The following STAP2 variants were observed in gnomAD, a reference collection of about 807,000 sequenced individuals.
STAP2 encodes the protein signal-transducing adaptor protein 2.
STAP2 carries 58 observed loss-of-function variants against 52.7 expected under a neutral mutation model. The observed-to-expected ratio is 1.10, with a 90% confidence interval of 0.89 to 1.37. STAP2 has a LOEUF of 1.37. Among genes scored for constraint, STAP2 ranks in the 40% most tolerant of loss-of-function variants. STAP2 has a pLI of 0.00. For missense variants in STAP2, 522 were observed against 519.4 expected (o/e 1.00, Z -0.05); for synonymous variants, 231 against 210.5 (o/e 1.10, Z -0.84).
At chr19:4,327,503 G>C in intron 6 of STAP2, 118 bp from the exon 7 acceptor site, 1 of 1,110,198 alleles carries the variant, frequency 9.0e-7, no homozygotes, top group Non-Finnish European at 1.3e-6. Flanking sequence ...TACTGGCTCC[G>C]CCCCCACAGA....
At chr19:4,324,429 C>T in intron 12 of STAP2, 26 bp downstream of exon 12, 1 of 1,539,942 alleles carries the variant, frequency 6.5e-7, no homozygotes, top group Non-Finnish European at 8.8e-7. Flanking sequence ...GAAGCCCGCC[C>T]CGCACTGACC....
At chr19:4,336,374 G>A (rs11669680) in intron 1 of STAP2, among the ~76,000 whole-genome samples, 55,214 of 135,212 alleles carry the variant, frequency 0.41, 11,272 homozygotes, top group East Asian at 0.61. Flanking sequence ...GCTGAAATGC[G>A]GTGGCACCAT....
chr19:4,328,634 AC>A, intron 6 of STAP2, 40 bp downstream of exon 6: 1 of 805,648 alleles, frequency 1.2e-6, no homozygotes, highest in East Asian at 4.3e-5. Context: ...CCCTCTTCCC[AC>A]CCTCCTCCCA....
chr19:4,331,139 G>A (rs1004454810), intron 4 of STAP2, among the ~76,000 whole-genome samples: 3 of 152,026 alleles, frequency 2.0e-5, no homozygotes, highest in Admixed American at 1.3e-4. Context: ...AGACCAGCCC[G>A]GGCAACATAG....
rs1214605884 is a variant in STAP2 at position 4,324,203 on chromosome 19, G to T, written c.1148-6C>A. On this transcript the variant is annotated splice_region_variant and splice_polypyrimidine_tract_variant and intron_variant, in intron 12 of 12. Transcript: ENST00000594605. Reference sequence around the variant, plus strand: ...TGCCGTCATGTCTGCCAGCCCTGGGGGTTCAGGACCAGGAGCTGCAGCTGG... The same window carrying T: ...TGCCGTCATGTCTGCCAGCCCTGGGTGTTCAGGACCAGGAGCTGCAGCTGG... 6 of 1,550,742 alleles carry T rather than the reference G, an allele frequency of 3.9e-6. No individual in the cohort carries two copies. Among genetic ancestry groups the T allele is most frequent in the Admixed American group, 2.0e-5 (1 of 50,970 alleles).
intron 1 of STAP2, 87 bp downstream of exon 1, chr19:4,338,564 CT>C: frequency 2.3e-6 from 2 of 857,372 alleles, no homozygotes; most frequent in Non-Finnish European, 3.4e-6. Context: ...CCCGCCCCCC[CT>C]TGGCGAGTGG....
intron 9 of STAP2, 44 bp downstream of exon 9, chr19:4,326,898 G>T: frequency 6.5e-7 from 1 of 1,548,052 alleles, no homozygotes; most frequent in Non-Finnish European, 8.7e-7. Flanking sequence ...TGAATGCGGG[G>T]TCCTCGATCC....
In STAP2 at chr19:4,338,637, G is replaced by A. The variant is rs369304509; in HGVS notation, c.102+15C>T. The A allele has an allele frequency of 5.2e-5, 70 of 1,351,216 alleles. No homozygotes were observed. Among genetic ancestry groups the A allele is most frequent in the Admixed American group, 4.8e-4 (24 of 49,950 alleles). The allele number at this position is 1,351,216 out of a possible 1,614,324, so 83.7% of individuals were successfully genotyped here. A position where few individuals can be genotyped will look rare whatever the true frequency, so the allele number is the denominator to read the frequency against. On this transcript the variant is annotated intron_variant, in intron 1 of 12. Transcript: ENST00000594605. ...CGGTGGCCCAGCAGGGCCAGCCCCCGCCTCCCCACCTTACCCGGTCACAGG... is the reference window on the plus strand; with the variant it reads ...CGGTGGCCCAGCAGGGCCAGCCCCCACCTCCCCACCTTACCCGGTCACAGG...
intron 1 of STAP2, among the ~76,000 whole-genome samples, chr19:4,336,397 C>T (rs1240400144): frequency 2.1e-5 from 3 of 142,328 alleles, no homozygotes; most frequent in African/African-American, 8.0e-5. Flanking sequence ...CAGCTCACTG[C>T]AACCCCCCCG....
intron 4 of STAP2, among the ~76,000 whole-genome samples, chr19:4,330,711 AT>A (rs1210010568): frequency 0.044 from 5,150 of 117,104 alleles, 200 homozygotes; most frequent in African/African-American, 0.14. Context: ...ATGTCAGCTA[AT>A]TTTTTTTTTT....
intron 4 of STAP2, among the ~76,000 whole-genome samples, chr19:4,330,797 C>T (rs1227335745): frequency 3.3e-5 from 5 of 149,570 alleles, no homozygotes; most frequent in Admixed American, 6.7e-5. Context: ...TCACTGCAAC[C>T]TCCGACTCCC....
chr19:4,331,988 T>C lies in STAP2; in HGVS notation c.354+34A>G, dbSNP rs1354399458. The C allele has an allele frequency of 3.8e-6, 6 of 1,595,930 alleles. No homozygotes were observed. In the East Asian group the frequency reaches 9.0e-5, roughly 24 times the overall value. On this transcript the variant is annotated intron_variant, in intron 4 of 12. Coordinates refer to ENST00000594605, the MANE Select transcript of STAP2 (RefSeq NM_001013841.2). ...AGGCTTTTTGAGGAGATCTGGAGAA[T>C]GGGAGAGAGGGCGCAGAGAGCCACT...
At chr19:4,329,348 T>TC (rs1971850382) in intron 5 of STAP2, among the ~76,000 whole-genome samples, 1 of 151,356 alleles carries the variant, frequency 6.6e-6, no homozygotes, top group Admixed American at 6.6e-5. Flanking sequence ...AAAGCAATCC[T>TC]CCCGCCTCGA....
intron 9 of STAP2, 141 bp from the exon 10 acceptor site, chr19:4,325,686 C>G: frequency 9.1e-7 from 1 of 1,095,480 alleles, no homozygotes; most frequent in African/African-American, 1.6e-5. Flanking sequence ...AAGTCTGTGT[C>G]TGGGCCGGGC....
rs1233947279 is a variant in STAP2 at position 4,333,796 on chromosome 19, C to T, written c.195G>A (p.Leu65=). Residue 65 remains leucine, a synonymous_variant, in exon 3 of 13, where the codon TTG becomes TTA. Coordinates refer to ENST00000594605, the MANE Select transcript of STAP2 (RefSeq NM_001013841.2). ...RDFQHVEKLN[L]GAFEKLTDEI... ...CATCTGTGAGTTTCTCAAATGCTCC[C>T]AAGTTGAGCTTCTCCACGTGCTGGG... 1 of 1,613,814 alleles carries T rather than the reference C, an allele frequency of 6.2e-7. No individual in the cohort carries two copies. Among genetic ancestry groups the T allele is most frequent in the South Asian group, 1.1e-5 (1 of 91,058 alleles).
intron 1 of STAP2, 67 bp downstream of exon 1, chr19:4,338,585 G>T: frequency 7.6e-7 from 1 of 1,315,658 alleles, no homozygotes; most frequent in Non-Finnish European, 1.0e-6. Flanking sequence ...GGGAGACAGG[G>T]ACTCAGAGAG....
intron 1 of STAP2, among the ~76,000 whole-genome samples, chr19:4,335,710 G>C (rs1168552711): frequency 2.6e-5 from 4 of 152,080 alleles, no homozygotes; most frequent in Non-Finnish European, 5.9e-5. Context: ...ATGTGCTGTT[G>C]GGCAAGTTAT....
chr19:4,334,181 C>A, intron 1 of STAP2, 137 bp from the exon 2 acceptor site: 1 of 645,636 alleles, frequency 1.5e-6, no homozygotes. Flanking sequence ...TTACCTCCTG[C>A]CTTGAGTTTC....
At chr19:4,327,773 T>C (rs1599549036) in intron 6 of STAP2, among the ~76,000 whole-genome samples, 1 of 149,918 alleles carries the variant, frequency 6.7e-6, no homozygotes. Flanking sequence ...CCGCCCCAGG[T>C]AGGCCCCGCC....
Sources: gnomAD v4.1 joint callset for allele counts (sites outside exome capture counted in the v4.1 genomes callset) on GRCh38, gnomAD v4.1.1 for gene constraint, MANE v1.5 for transcripts, NCBI Gene and HGNC (gene_info 2026-07-23, HGNC 2026-07-21) for gene names.